FRMD3: variants seen among roughly 807,000 people sequenced by gnomAD.
FRMD3 encodes FERM domain-containing protein 3.
Under a neutral mutation model 70.2 loss-of-function variants are expected in FRMD3, and 33 were observed. That is an observed-to-expected ratio of 0.47 (90% CI 0.36 to 0.63). The LOEUF (loss-of-function observed/expected upper bound fraction) is 0.63. Ranked by LOEUF, FRMD3 falls within the 20% of genes least tolerant of loss-of-function variation. The pLI, the probability that FRMD3 is intolerant of heterozygous loss-of-function variation, is 0.00. For missense variants in FRMD3, 632 were observed against 711.4 expected (o/e 0.89, Z 1.27); for synonymous variants, 279 against 255.9 (o/e 1.09, Z -0.86).
the FRMD3 span, among the ~76,000 whole-genome samples, chr9:83,548,817 G>A: frequency 1.3e-5 from 2 of 152,082 alleles, no homozygotes; most frequent in African/African-American, 4.8e-5. Context: ...GGAAACTGAG[G>A]AAACGGGTAG....
intron 5 of FRMD3, among the ~76,000 whole-genome samples, chr9:83,340,055 A>G (rs952135924): frequency 1.3e-5 from 2 of 152,182 alleles, no homozygotes; most frequent in African/African-American, 4.8e-5. Context: ...AAAACAGTCA[A>G]TCAAGCCAGG....
rs116737262 is a variant in FRMD3, at chr9:83,285,704, A to G, written c.1195+4899T>C. 1.3e-3 allele frequency among the ~76,000 whole-genome samples: 194 copies of G among 152,312 alleles called. 1 individual carries two copies. The highest frequency in any genetic ancestry group is 4.3e-3 in the African/African-American group (179 of 41,556). On this transcript the variant is annotated intron_variant, in intron 13 of 13. Transcript: ENST00000304195. ...AGAACATATACTCTACTGATAAAACACAGAAGCACGGTGCTATCTCCACTA... is the reference window on the plus strand; with the variant it reads ...AGAACATATACTCTACTGATAAAACGCAGAAGCACGGTGCTATCTCCACTA...
chr9:83,335,501 C>A lies in FRMD3; in HGVS notation c.596+15G>T. 6.2e-7 allele frequency: 1 copy of A among 1,600,126 alleles called. No homozygotes were observed. The highest frequency in any genetic ancestry group is 8.6e-7 in the Non-Finnish European group (1 of 1,168,794). On this transcript the variant is annotated intron_variant, in intron 6 of 13. Transcript: ENST00000304195. Reference sequence around the variant, plus strand: ...TCCCCTTTATCATTTTCACAAATGTCTACTCAGTAATTACCTGAGTTCATT... The same window carrying A: ...TCCCCTTTATCATTTTCACAAATGTATACTCAGTAATTACCTGAGTTCATT...
upstream of FRMD3, among the ~76,000 whole-genome samples, chr9:83,541,927 A>T (rs564402454): frequency 3.9e-5 from 6 of 152,018 alleles, no homozygotes; most frequent in African/African-American, 7.3e-5. Flanking sequence ...AACCAGAAAC[A>T]TTTTTTTATT....
chr9:83,305,560 A>C (rs1489684064), intron 10 of FRMD3, among the ~76,000 whole-genome samples: 1 of 152,170 alleles, frequency 6.6e-6, no homozygotes, highest in African/African-American at 2.4e-5. Context: ...TGGTACAAGC[A>C]AATGCACCCA....
At chr9:83,318,384 A>T (rs965115668) in intron 6 of FRMD3, among the ~76,000 whole-genome samples, 2 of 152,176 alleles carry the variant, frequency 1.3e-5, no homozygotes, top group Non-Finnish European at 2.9e-5. Context: ...TTCACTAAGG[A>T]TAATAGCCTC....
intron 6 of FRMD3, among the ~76,000 whole-genome samples, chr9:83,323,646 C>T (rs1014779514): frequency 1.3e-5 from 2 of 152,154 alleles, no homozygotes; most frequent in African/African-American, 4.8e-5. Flanking sequence ...CCTTAAACTT[C>T]CACGCCTCCA....
At chr9:83,278,127 A>G (rs1833853844) in intron 13 of FRMD3, among the ~76,000 whole-genome samples, 1 of 152,160 alleles carries the variant, frequency 6.6e-6, no homozygotes, top group Admixed American at 6.5e-5. Context: ...CTAAAACTTA[A>G]AGAAAAGAAA....
At chr9:83,496,657 T>A (rs1828949709) in intron 1 of FRMD3, among the ~76,000 whole-genome samples, 1 of 149,772 alleles carries the variant, frequency 6.7e-6, no homozygotes, top group East Asian at 2.0e-4. Flanking sequence ...AAAAAAAAAA[T>A]GATAGCTGAT....
At chr9:83,301,687 C>A (rs1208490830) in intron 10 of FRMD3, among the ~76,000 whole-genome samples, 2 of 152,266 alleles carry the variant, frequency 1.3e-5, no homozygotes, top group African/African-American at 4.8e-5. Context: ...TTGGCCTTAG[C>A]TCTGGCCCTT....
rs1240654218 is a variant in FRMD3, at chr9:83,507,543, G to A, written c.147+30542C>T. On this transcript the variant is annotated intron_variant, in intron 1 of 13. Transcript: ENST00000304195. ...AAATTAGCCAGGTGTGGTGGCGGGC[G>A]CCTGTAGTCCCAGTTACTTGGGAGG... Among the ~76,000 whole-genome samples the A allele has an allele frequency of 1.2e-4, 18 of 148,824 alleles. No homozygotes were observed. In the South Asian group the frequency reaches 1.7e-3, roughly 14 times the overall value.
intron 4 of FRMD3, among the ~76,000 whole-genome samples, chr9:83,343,626 T>C (rs1823853927): frequency 1.3e-5 from 2 of 152,140 alleles, no homozygotes; most frequent in South Asian, 4.1e-4. Flanking sequence ...ATGGCCACCG[T>C]CATCACTAGC....
chr9:83,581,979 T>C, the FRMD3 span, among the ~76,000 whole-genome samples: 1 of 152,242 alleles, frequency 6.6e-6, no homozygotes, highest in Non-Finnish European at 1.5e-5. Context: ...CTTGCGTAAC[T>C]CTGTGAATAT....
chr9:83,549,810 T>C, the FRMD3 span, among the ~76,000 whole-genome samples: 1 of 152,196 alleles, frequency 6.6e-6, no homozygotes, highest in African/African-American at 2.4e-5. Flanking sequence ...TTTTTTTTCT[T>C]GTAAATTTGT....
At chr9:83,547,466 T>A in the FRMD3 span, among the ~76,000 whole-genome samples, 3 of 151,760 alleles carry the variant, frequency 2.0e-5, no homozygotes, top group African/African-American at 7.3e-5. Context: ...AATAAAGTGA[T>A]CAATTCATCA....
the FRMD3 span, among the ~76,000 whole-genome samples, chr9:83,567,909 T>G: frequency 6.6e-6 from 1 of 152,220 alleles, no homozygotes; most frequent in Non-Finnish European, 1.5e-5. Context: ...TTTCAGCCTC[T>G]GCCTGTTACC....
chr9:83,482,707 AG>A (rs1353666063), intron 1 of FRMD3, among the ~76,000 whole-genome samples: 1 of 152,202 alleles, frequency 6.6e-6, no homozygotes, highest in Admixed American at 6.5e-5. Flanking sequence ...AAGACATCCT[AG>A]GCTATGTGCC....
chr9:83,277,408 A>G (rs778881493), intron 13 of FRMD3, among the ~76,000 whole-genome samples: 1 of 152,206 alleles, frequency 6.6e-6, no homozygotes, highest in Non-Finnish European at 1.5e-5. Context: ...TCTGATGCCC[A>G]GGCTGAAGTG....
the FRMD3 span, among the ~76,000 whole-genome samples, chr9:83,583,476 G>C: frequency 6.6e-6 from 1 of 152,132 alleles, no homozygotes; most frequent in African/African-American, 2.4e-5. Flanking sequence ...CCAAAGGAAA[G>C]TACATATTTA....
Sources: allele counts gnomAD v4.1 joint callset (sites outside exome capture counted in the v4.1 genomes callset), GRCh38; gene constraint gnomAD v4.1.1; transcripts MANE v1.5; gene names NCBI Gene and HGNC (gene_info 2026-07-23, HGNC 2026-07-21).